The following ADGRV1 variants were observed in gnomAD, a reference collection of about 807,000 sequenced individuals.
The protein encoded by ADGRV1 is G-protein coupled receptor 98.
In ADGRV1, 359 loss-of-function variants were observed where a neutral mutation model predicts 596.2. The observed-to-expected ratio is 0.60, with a 90% CI of 0.55 to 0.66. The LOEUF (loss-of-function observed/expected upper bound fraction) is 0.66. Among genes scored for constraint, ADGRV1 ranks in the 30% least tolerant of loss-of-function variants. The pLI is 0.00. For missense variants in ADGRV1, 7,274 were observed against 7,575.6 expected (o/e 0.96, Z 1.48); for synonymous variants, 2,681 against 2,679.2 (o/e 1.00, Z -0.02).
chr5:91,016,346 C>A (rs937350608), intron 85 of ADGRV1, among the ~76,000 whole-genome samples: 1 of 151,892 alleles, frequency 6.6e-6, no homozygotes, highest in East Asian at 1.9e-4. Flanking sequence ...CACACTCTAG[C>A]CCCCATCCTA....
chr5:90,747,173 GTAA>G (rs1724072442), intron 52 of ADGRV1, among the ~76,000 whole-genome samples: 1 of 152,152 alleles, frequency 6.6e-6, no homozygotes, highest in South Asian at 2.1e-4. Context: ...TGTGAGCTAT[GTAA>G]TATCTGGGGT....
chr5:90,867,590 T>A (rs1009087876), intron 83 of ADGRV1, among the ~76,000 whole-genome samples: 2 of 152,202 alleles, frequency 1.3e-5, no homozygotes, highest in Non-Finnish European at 1.5e-5. Flanking sequence ...TTTGGGAATC[T>A]TTGTGCATGA....
chr5:90,755,271 T>TC (rs75702615), intron 55 of ADGRV1, 86 bp downstream of exon 55: 61 of 844,398 alleles, frequency 7.2e-5, no homozygotes, highest in Non-Finnish European at 9.2e-5. Context: ...GTAAAAATCT[T>TC]TTTTTTAATA....
chr5:90,960,912 T>C (rs1777948557), intron 83 of ADGRV1, among the ~76,000 whole-genome samples: 1 of 152,180 alleles, frequency 6.6e-6, no homozygotes, highest in South Asian at 2.1e-4. Flanking sequence ...CAGATGGGAC[T>C]TGGGTTTTCT....
At position 90,716,722 on chromosome 5, in the gene ADGRV1, G is replaced by A. The variant is rs200792658; in HGVS notation, c.9440G>A (p.Arg3147Gln). The A allele has an allele frequency of 2.3e-4, 373 of 1,610,666 alleles. No individual in the cohort carries two copies. The highest frequency in any genetic ancestry group is 1.4e-3 in the Admixed American group (81 of 59,994). The change falls in exon 43 of 90, where the codon CGA becomes CAA. Residue 3147 changes from arginine (R) to glutamine (Q), a missense_variant. Physicochemically the swap from Arg to Gln is conservative, Grantham distance 43 (BLOSUM62 1). This residue lies in a region of ADGRV1 where 3,643 missense variants were observed against 3,809.2 expected (regional missense o/e 0.96). Transcript: ENST00000405460. ...KGYIVLEEGVRFKALQISAIL... is the reference protein window; with the variant it reads ...KGYIVLEEGVQFKALQISAIL... ...TATATTGTTTTAGAAGAAGGTGTTCGATTCAAGGTACAGTAAGAAGCTTTA... is the reference window on the plus strand; with the variant it reads ...TATATTGTTTTAGAAGAAGGTGTTCAATTCAAGGTACAGTAAGAAGCTTTA...
chr5:90,636,505 T>C (rs1766228923), intron 10 of ADGRV1, among the ~76,000 whole-genome samples: 1 of 152,238 alleles, frequency 6.6e-6, no homozygotes, highest in Non-Finnish European at 1.5e-5. Context: ...AAAGAGTTGA[T>C]TGCTTTTATC....
At chr5:90,966,347 A>T (rs368252606) in intron 84 of ADGRV1, among the ~76,000 whole-genome samples, 175 of 152,172 alleles carry the variant, frequency 1.2e-3, no homozygotes, top group African/African-American at 3.9e-3. Context: ...CCTGTCCAAC[A>T]TGGTGAAACC....
At chr5:90,722,583 G>T (rs559186632) in intron 45 of ADGRV1, among the ~76,000 whole-genome samples, 1 of 151,116 alleles carries the variant, frequency 6.6e-6, no homozygotes, top group Non-Finnish European at 1.5e-5. Flanking sequence ...GCTTGGTGGC[G>T]CACGCCTATA....
rs760921370 is a variant in ADGRV1 at position 90,694,212 on chromosome 5, A to G, written c.7456A>G (p.Met2486Val). The change falls in exon 33 of 90, where the codon ATG becomes GTG. Residue 2486 changes from methionine (M) to valine (V), a missense_variant. Physicochemically the swap from Met to Val is conservative, Grantham distance 21. Coordinates refer to ENST00000405460, the MANE Select transcript of ADGRV1 (RefSeq NM_032119.4). Reference protein sequence around the residue: ...NSDFWTYRKNMTRVASLFSGQ... With the variant: ...NSDFWTYRKNVTRVASLFSGQ... The stretch of plus-strand genomic sequence containing the variant: ...AGACTTCTGGACCTACAGGAAAAAC[A>G]TGACCAGGGTAGCATCTCTTTTTAG... The G allele has an allele frequency of 7.4e-6, 12 of 1,613,952 alleles. No homozygotes were observed. Among genetic ancestry groups the G allele is most frequent in the Non-Finnish European group, 9.3e-6 (11 of 1,179,862 alleles).
chr5:90,703,896 C>G, intron 35 of ADGRV1, 101 bp downstream of exon 35: 2 of 817,972 alleles, frequency 2.4e-6, no homozygotes, highest in Non-Finnish European at 3.8e-6. Flanking sequence ...TATTATCTTT[C>G]TCTCTTCTCC....
intron 27 of ADGRV1, among the ~76,000 whole-genome samples, chr5:90,681,751 G>A (rs1453176170): frequency 6.6e-6 from 1 of 152,164 alleles, no homozygotes; most frequent in Non-Finnish European, 1.5e-5. Flanking sequence ...CAGATAGGCT[G>A]TGGTAACAAA....
intron 85 of ADGRV1, among the ~76,000 whole-genome samples, chr5:91,054,320 G>T (rs1034045553): frequency 1.3e-5 from 2 of 151,722 alleles, no homozygotes; most frequent in Non-Finnish European, 2.9e-5. Context: ...CCTTTTTTAG[G>T]CACATCAGTT....
At chr5:91,072,648 T>A in intron 86 of ADGRV1, 44 bp downstream of exon 86, 2 of 1,570,804 alleles carry the variant, frequency 1.3e-6, no homozygotes, top group Non-Finnish European at 1.7e-6. Flanking sequence ...GGAAACGCTT[T>A]AATGGTGGGA....
In ADGRV1 at chr5:90,778,494, G is replaced by A. The variant is rs1473035147; in HGVS notation, c.12734G>A (p.Gly4245Glu). 1.2e-6 allele frequency: 2 copies of A among 1,612,830 alleles called. No individual in the cohort carries two copies. Among genetic ancestry groups the A allele is most frequent in the African/African-American group, 1.3e-5 (1 of 74,822 alleles). ...TTTCAGCTCACTGCAGTCAGTGAGG[G>A]AGGAGTTCTGAGTGAATCCAGCAGC... ...YEFQLTAVSE[G>E]GVLSESSSTA... The change falls in exon 63 of 90, where the codon GGA (glycine) becomes GAA (glutamate). Residue 4245 changes from glycine to glutamate, a missense_variant. By Grantham distance (98) the Gly-to-Glu change is moderately conservative. Transcript: ENST00000405460.
At chr5:90,682,526 A>C (rs1020538660) in intron 27 of ADGRV1, among the ~76,000 whole-genome samples, 1 of 152,244 alleles carries the variant, frequency 6.6e-6, no homozygotes, top group Non-Finnish European at 1.5e-5. Context: ...GGAAGGATTC[A>C]TTGTTCAGTG....
intron 59 of ADGRV1, among the ~76,000 whole-genome samples, chr5:90,767,901 C>T (rs1009554246): frequency 2.0e-5 from 3 of 152,140 alleles, no homozygotes; most frequent in Admixed American, 1.3e-4. Context: ...GAATATCATC[C>T]GTTTACTTCT....
intron 72 of ADGRV1, among the ~76,000 whole-genome samples, chr5:90,807,367 T>C (rs1386217743): frequency 1.3e-5 from 2 of 152,116 alleles, no homozygotes; most frequent in Admixed American, 6.6e-5. Context: ...GATTTTGTCA[T>C]TGAGCCAGGA....
At chr5:90,782,724 A>G (rs1758983728) in intron 65 of ADGRV1, among the ~76,000 whole-genome samples, 1 of 152,222 alleles carries the variant, frequency 6.6e-6, no homozygotes, top group African/African-American at 2.4e-5. Context: ...ATATTACCAT[A>G]TTTATATTTC....
intron 50 of ADGRV1, among the ~76,000 whole-genome samples, chr5:90,736,354 C>T (rs978330463): frequency 1.3e-5 from 2 of 151,908 alleles, no homozygotes; most frequent in Admixed American, 6.6e-5. Context: ...TCCTTTATTG[C>T]ATTGTTGAAT....
Sources: allele counts gnomAD v4.1 joint callset (sites outside exome capture counted in the v4.1 genomes callset), GRCh38; gene constraint gnomAD v4.1.1; regional missense constraint gnomAD v4.1.1; transcripts MANE v1.5; gene names NCBI Gene and HGNC (gene_info 2026-07-23, HGNC 2026-07-21).